The following AUTS2 variants were observed in gnomAD, a reference collection of about 807,000 sequenced individuals.
The protein encoded by AUTS2 is autism susceptibility gene 2 protein.
Under a neutral mutation model 112.4 loss-of-function variants are expected in AUTS2, and 17 were observed. That is an observed-to-expected ratio of 0.15 (90% CI 0.10 to 0.23). AUTS2 has a LOEUF of 0.23. Ranked by LOEUF, AUTS2 falls within the 10% of genes least tolerant of loss-of-function variation. The pLI, the probability that AUTS2 is intolerant of heterozygous loss-of-function variation, is 1.00. For missense variants in AUTS2, 1,510 were observed against 1,701.6 expected (o/e 0.89, Z 1.98); for synonymous variants, 751 against 702.7 (o/e 1.07, Z -1.09).
chr7:70,560,299 C>CA (rs1801429222), intron 5 of AUTS2, among the ~76,000 whole-genome samples: 1 of 152,196 alleles, frequency 6.6e-6, no homozygotes, highest in Non-Finnish European at 1.5e-5. Context: ...CAGACACACC[C>CA]ACACATCCAT....
chr7:69,970,855 A>C (rs1252856203), intron 2 of AUTS2, among the ~76,000 whole-genome samples: 2 of 152,118 alleles, frequency 1.3e-5, no homozygotes, highest in East Asian at 1.9e-4. Context: ...TGATTTTTCT[A>C]TCCAGAATCC....
At chr7:70,039,739 TA>T (rs1191839783) in intron 2 of AUTS2, among the ~76,000 whole-genome samples, 2 of 152,164 alleles carry the variant, frequency 1.3e-5, no homozygotes, top group Non-Finnish European at 2.9e-5. Flanking sequence ...TCCTGTGGTT[TA>T]AAAACGTTCA....
intron 2 of AUTS2, among the ~76,000 whole-genome samples, chr7:70,066,763 C>T (rs1802515805): frequency 6.6e-6 from 1 of 152,178 alleles, no homozygotes; most frequent in Admixed American, 6.5e-5. Flanking sequence ...TGGTCTTGAA[C>T]TCCTGACCTC....
At chr7:70,161,899 T>A (rs1808095403) in intron 4 of AUTS2, among the ~76,000 whole-genome samples, 1 of 152,134 alleles carries the variant, frequency 6.6e-6, no homozygotes, top group South Asian at 2.1e-4. Flanking sequence ...AGAAAAATAC[T>A]GTTGGAGTTA....
chr7:69,632,312 T>G (rs1794284261), intron 1 of AUTS2, among the ~76,000 whole-genome samples: 1 of 152,210 alleles, frequency 6.6e-6, no homozygotes, highest in African/African-American at 2.4e-5. Context: ...AGCTTTGCCA[T>G]TACCCGGCAT....
intron 5 of AUTS2, among the ~76,000 whole-genome samples, chr7:70,511,904 C>G (rs536952730): frequency 6.6e-6 from 1 of 152,204 alleles, no homozygotes; most frequent in Non-Finnish European, 1.5e-5. Context: ...TAAGTGTTCC[C>G]ACTTTCACTC....
intron 2 of AUTS2, among the ~76,000 whole-genome samples, chr7:70,004,842 G>T (rs1264568427): frequency 1.5e-5 from 2 of 137,866 alleles, no homozygotes; most frequent in African/African-American, 6.0e-5. Context: ...TATTTATTTA[G>T]AGACCGAGTT....
intron 5 of AUTS2, chr7:70,596,037 A>T (rs1463047003): frequency 6.6e-6 from 1 of 151,664 alleles, no homozygotes; most frequent in Non-Finnish European, 1.5e-5. Flanking sequence ...ACTGCAGGTG[A>T]CCTCCCCCGG....
At chr7:70,518,877 C>A (rs949105083) in intron 5 of AUTS2, among the ~76,000 whole-genome samples, 6 of 151,792 alleles carry the variant, frequency 4.0e-5, no homozygotes, top group African/African-American at 1.5e-4. Context: ...CTAATTTTTG[C>A]ATTTTTAGTA....
At chr7:70,241,492 T>A (rs983370133) in intron 4 of AUTS2, among the ~76,000 whole-genome samples, 4 of 152,328 alleles carry the variant, frequency 2.6e-5, no homozygotes, top group Non-Finnish European at 4.4e-5. Flanking sequence ...AAGTTTTTTT[T>A]AAAACCTTTC....
chr7:70,735,606 A>G (rs1352652084), intron 6 of AUTS2, among the ~76,000 whole-genome samples: 4 of 152,160 alleles, frequency 2.6e-5, no homozygotes, highest in Non-Finnish European at 4.4e-5. Flanking sequence ...CAGGGAATGC[A>G]TCGGTAGCCT....
Position 70,771,779 on chromosome 7 carries a change from G to T in AUTS2, c.1830+135G>T, listed in dbSNP as rs188261408. 233 of 605,530 alleles carry T rather than the reference G, an allele frequency of 3.8e-4. 2 individuals carry two copies. The African/African-American group carries it at 3.9e-3, about 10-fold the overall frequency. The allele number at this position is 605,530 out of a possible 1,614,324, so 37.5% of individuals were successfully genotyped here. A position where few individuals can be genotyped will look rare whatever the true frequency, so the allele number is the denominator to read the frequency against. ...GTCCTAAGTGACCACTGGGATTAGA[G>T]TGAGCCTATTTTTCTTTTTTTTCCA... On this transcript the variant is annotated intron_variant, in intron 11 of 18. Transcript: ENST00000342771.
intron 1 of AUTS2, among the ~76,000 whole-genome samples, chr7:69,785,712 A>G (rs1789340953): frequency 6.6e-6 from 1 of 152,192 alleles, no homozygotes. Flanking sequence ...CTATGAAAGG[A>G]CAGCATTATA....
At chr7:70,107,456 G>C (rs556049715) in intron 2 of AUTS2, among the ~76,000 whole-genome samples, 2 of 145,872 alleles carry the variant, frequency 1.4e-5, no homozygotes, top group South Asian at 4.4e-4. Context: ...CAATTCTCCT[G>C]CCTCAGCCTC....
intron 1 of AUTS2, among the ~76,000 whole-genome samples, chr7:69,735,984 A>G (rs1333596546): frequency 6.6e-6 from 1 of 152,194 alleles, no homozygotes; most frequent in Non-Finnish European, 1.5e-5. Context: ...CCAAGGATAT[A>G]AGCTTTGTGT....
At chr7:69,987,723 G>C (rs1196911169) in intron 2 of AUTS2, among the ~76,000 whole-genome samples, 1 of 152,112 alleles carries the variant, frequency 6.6e-6, no homozygotes, top group Non-Finnish European at 1.5e-5. Flanking sequence ...CCCTGCCTTG[G>C]CTTCCCAAAG....
chr7:70,383,613 T>A (rs1452507802), intron 4 of AUTS2, among the ~76,000 whole-genome samples: 1 of 152,222 alleles, frequency 6.6e-6, no homozygotes, highest in African/African-American at 2.4e-5. Context: ...CTATCACTAA[T>A]TAGCCAGAGC....
intron 2 of AUTS2, among the ~76,000 whole-genome samples, chr7:70,081,963 TGTGC>T (rs752763999): frequency 1.2e-4 from 17 of 146,134 alleles, no homozygotes; most frequent in African/African-American, 3.3e-4. Context: ...TGTGTGTGTG[TGTGC>T]GCGCGCCTGT....
intron 5 of AUTS2, among the ~76,000 whole-genome samples, chr7:70,522,854 A>G (rs903267085): frequency 3.9e-5 from 6 of 152,158 alleles, no homozygotes; most frequent in Non-Finnish European, 7.4e-5. Flanking sequence ...TGGCAGTTCT[A>G]AGTTCTCTGA....
Sources: allele counts gnomAD v4.1 joint callset (sites outside exome capture counted in the v4.1 genomes callset), GRCh38; gene constraint gnomAD v4.1.1; transcripts MANE v1.5; gene names NCBI Gene and HGNC (gene_info 2026-07-23, HGNC 2026-07-21).